The following PLEKHB2 variants were observed in gnomAD, a reference collection of about 807,000 sequenced individuals.
The protein encoded by PLEKHB2 is pleckstrin homology domain containing B2, also known as pleckstrin homology domain-containing family B member 2.
PLEKHB2 carries 31 observed loss-of-function variants against 36.5 expected under a neutral mutation model. The observed-to-expected ratio is 0.85, with a 90% confidence interval of 0.64 to 1.15. PLEKHB2 has a LOEUF of 1.15. Ranked by LOEUF, PLEKHB2 falls within the 50% of genes most tolerant of loss-of-function variation. PLEKHB2 has a pLI of 0.00. For missense variants in PLEKHB2, 262 were observed against 295.3 expected (o/e 0.89, Z 0.83); for synonymous variants, 119 against 112.0 (o/e 1.06, Z -0.39).
intron 5 of PLEKHB2, 60 bp from the exon 6 acceptor site, chr2:131,132,842 G>C: frequency 1.1e-6 from 1 of 915,734 alleles, no homozygotes; most frequent in Admixed American, 1.8e-5. Context: ...ACAATGCACA[G>C]CATCGAGCAC....
At chr2:131,133,344 T>A (rs548394181) in intron 6 of PLEKHB2, among the ~76,000 whole-genome samples, 1 of 152,318 alleles carries the variant, frequency 6.6e-6, no homozygotes, top group African/African-American at 2.4e-5. Flanking sequence ...TTAGGGAAAA[T>A]AACCTTAAAA....
In PLEKHB2 at chr2:131,105,920, T is replaced by G. The variant is rs1484877221; in HGVS notation, c.-9+522T>G. ...TGCTCCAGGGAACTTGCCTTCTCAGTTCTCCTGCCCAGAGGTCTCCCCTCC... is the reference window on the plus strand; with the variant it reads ...TGCTCCAGGGAACTTGCCTTCTCAGGTCTCCTGCCCAGAGGTCTCCCCTCC... On this transcript the variant is annotated intron_variant, in intron 1 of 7. Transcript: ENST00000693505. Among the ~76,000 whole-genome samples, 5 of 152,158 alleles carry G rather than the reference T, an allele frequency of 3.3e-5. No individual in the cohort carries two copies. In the South Asian group the frequency reaches 6.2e-4, roughly 19 times the overall value.
intron 7 of PLEKHB2, among the ~76,000 whole-genome samples, chr2:131,145,691 T>G (rs1699216769): frequency 6.6e-6 from 1 of 152,190 alleles, no homozygotes; most frequent in South Asian, 2.1e-4. Context: ...TTAACGCTAT[T>G]AATACCTGAG....
At chr2:131,120,294 T>G (rs1357000282) in intron 1 of PLEKHB2, 1 of 153,116 alleles carries the variant, frequency 6.5e-6, no homozygotes. Context: ...GAGATGAGGT[T>G]TCACCATGTT....
chr2:131,105,378 G>A lies in PLEKHB2; in HGVS notation c.-29G>A, dbSNP rs944622497. ...CGAGGAATCGCCGTGGCGTCTTGGT[G>A]TTCTCCACGCTGGTTCGCAGGTGAG... On this transcript the variant is annotated 5_prime_UTR_variant, in exon 1 of 8. Transcript: ENST00000693505. The A allele has an allele frequency of 1.3e-5, 2 of 152,314 alleles. No individual in the cohort carries two copies. Among genetic ancestry groups the A allele is most frequent in the African/African-American group, 4.8e-5 (2 of 41,446 alleles). The allele number at this position is 152,314 out of a possible 1,614,324, so 9.4% of individuals were successfully genotyped here. A position where few individuals can be genotyped will look rare whatever the true frequency, so the allele number is the denominator to read the frequency against.
At chr2:131,114,792 A>G (rs541994373) in intron 1 of PLEKHB2, among the ~76,000 whole-genome samples, 38 of 152,286 alleles carry the variant, frequency 2.5e-4, no homozygotes, top group Non-Finnish European at 5.0e-4. Context: ...CCATATCACT[A>G]TCAGCATTTT....
rs1215638984 is a variant in PLEKHB2 at position 131,148,720 on chromosome 2, A to G, written c.*1947A>G. The G allele has an allele frequency of 6.6e-6, 1 of 152,170 alleles. No individual in the cohort carries two copies. Among genetic ancestry groups the G allele is most frequent in the Non-Finnish European group, 1.5e-5 (1 of 68,028 alleles). 9.4% of individuals were successfully genotyped at this position (152,170 alleles called of 1,614,324 possible). On this transcript the variant is annotated 3_prime_UTR_variant, in exon 8 of 8. Coordinates refer to ENST00000693505, the MANE Select transcript of PLEKHB2 (RefSeq NM_001100623.2). ...TTGACATGGGAGTGTCTGTTTCCAC[A>G]TGGAAGGATGTCTGTTTATCTCTCA...
intron 1 of PLEKHB2, among the ~76,000 whole-genome samples, chr2:131,106,294 C>T (rs569998339): frequency 1.3e-5 from 2 of 152,212 alleles, no homozygotes; most frequent in South Asian, 4.1e-4. Context: ...ATTTTTAGTG[C>T]TTAGGAAAGG....
chr2:131,122,823 A>G (rs369466070), intron 2 of PLEKHB2, among the ~76,000 whole-genome samples: 2 of 152,282 alleles, frequency 1.3e-5, no homozygotes, highest in South Asian at 4.1e-4. Context: ...TAGCTTCACA[A>G]AGAAAGTCCT....
intron 6 of PLEKHB2, among the ~76,000 whole-genome samples, chr2:131,137,640 G>A (rs763607242): frequency 6.6e-6 from 1 of 152,128 alleles, no homozygotes; most frequent in African/African-American, 2.4e-5. Flanking sequence ...CTGGTAATTT[G>A]TCTTTGCTCT....
intron 1 of PLEKHB2, among the ~76,000 whole-genome samples, chr2:131,111,347 T>C (rs921728152): frequency 1.3e-5 from 2 of 150,218 alleles, no homozygotes; most frequent in Non-Finnish European, 1.5e-5. Context: ...CTAATTTTTT[T>C]CCATCTCTTG....
intron 6 of PLEKHB2, 152 bp downstream of exon 6, chr2:131,133,143 A>AT: frequency 1.6e-6 from 1 of 613,082 alleles, no homozygotes; most frequent in Non-Finnish European, 3.0e-6. Context: ...TTTTCATGAA[A>AT]TGAAGCAACT....
At chr2:131,122,740 A>T (rs1006942356) in intron 2 of PLEKHB2, among the ~76,000 whole-genome samples, 1 of 152,174 alleles carries the variant, frequency 6.6e-6, no homozygotes, top group African/African-American at 2.4e-5. Flanking sequence ...CATGTTCCCA[A>T]CCTGGAGCTG....
intron 1 of PLEKHB2, among the ~76,000 whole-genome samples, 187 bp downstream of exon 1, chr2:131,105,585 C>T (rs759961628): frequency 6.6e-6 from 1 of 152,158 alleles, no homozygotes; most frequent in Non-Finnish European, 1.5e-5. Flanking sequence ...GCCCACCTCC[C>T]TGGACCACCC....
At chr2:131,114,404 G>T (rs1237320020) in intron 1 of PLEKHB2, among the ~76,000 whole-genome samples, 1 of 152,230 alleles carries the variant, frequency 6.6e-6, no homozygotes, top group Non-Finnish European at 1.5e-5. Flanking sequence ...GATTACAGGC[G>T]TGAGCCATGG....
At chr2:131,144,340 A>C (rs1699078098) in intron 7 of PLEKHB2, 2 of 646,526 alleles carry the variant, frequency 3.1e-6, no homozygotes, top group Non-Finnish European at 2.2e-6. Flanking sequence ...GCTCTCCTAT[A>C]ATGTGGGGTT....
At chr2:131,109,836 T>C (rs12612273) in intron 1 of PLEKHB2, among the ~76,000 whole-genome samples, 37,220 of 152,070 alleles carry the variant, frequency 0.24, 6,859 homozygotes, top group African/African-American at 0.52. Flanking sequence ...GTATTTTGGC[T>C]GGGTGTGGTG....
intron 2 of PLEKHB2, 104 bp downstream of exon 2, chr2:131,121,082 T>C (rs1016822729): frequency 1.2e-5 from 13 of 1,074,118 alleles, no homozygotes; most frequent in Non-Finnish European, 1.8e-5. Context: ...CAAAGTTTTA[T>C]GAGTGCTATG....
intron 7 of PLEKHB2, among the ~76,000 whole-genome samples, chr2:131,146,292 G>C (rs747810019): frequency 6.6e-6 from 1 of 152,100 alleles, no homozygotes; most frequent in Non-Finnish European, 1.5e-5. Context: ...TTGGGCTTTT[G>C]TTGGGCACTG....
Sources: allele counts gnomAD v4.1 joint callset (sites outside exome capture counted in the v4.1 genomes callset), GRCh38; gene constraint gnomAD v4.1.1; transcripts MANE v1.5; gene names NCBI Gene and HGNC (gene_info 2026-07-23, HGNC 2026-07-21).